The following CENPI variants were observed in gnomAD, a reference collection of about 807,000 sequenced individuals.
The protein encoded by CENPI is centromere protein I, also known as FSH primary response 1.
A neutral mutation model predicts 60.4 loss-of-function variants in CENPI; 4 were observed. The observed-to-expected ratio is 0.07, with a 90% confidence interval of 0.03 to 0.15. The LOEUF (loss-of-function observed/expected upper bound fraction) is 0.15. Ranked by LOEUF, CENPI falls within the 10% of genes least tolerant of loss-of-function variation. CENPI has a pLI of 1.00. For synonymous variants in CENPI, 157 were observed against 189.4 expected (o/e 0.83, Z 1.40); for missense variants, 444 against 534.5 (o/e 0.83, Z 1.67).
At chrX:101,109,332 T>A in intron 4 of CENPI, 141 bp from the exon 5 acceptor site, 1 of 467,382 alleles carries the variant, frequency 2.1e-6, no homozygotes, top group Non-Finnish European at 3.7e-6. Flanking sequence ...CTGCCCACCA[T>A]GGCCTCCCAA....
At chrX:101,144,865 C>A (rs968725653) in intron 16 of CENPI, among the ~76,000 whole-genome samples, 199 bp from the exon 17 acceptor site, 2 of 111,753 alleles carry the variant, frequency 1.8e-5, no homozygotes, top group African/African-American at 6.5e-5. Flanking sequence ...TCTATGAATT[C>A]GTCTTAATGG....
At chrX:101,161,284 C>T (rs940993440) in intron 20 of CENPI, among the ~76,000 whole-genome samples, 5 of 111,904 alleles carry the variant, frequency 4.5e-5, no homozygotes, top group South Asian at 3.7e-4. Context: ...CCACTGCACC[C>T]GGCCTGTTTT....
At chrX:101,152,622 G>T (rs1254217353) in intron 20 of CENPI, among the ~76,000 whole-genome samples, 1 of 108,904 alleles carries the variant, frequency 9.2e-6, no homozygotes, top group African/African-American at 3.3e-5. Flanking sequence ...AGGCTGGTTG[G>T]TCTCTAACTC....
intron 16 of CENPI, among the ~76,000 whole-genome samples, chrX:101,144,484 A>G (rs2089946311): frequency 9.2e-6 from 1 of 108,305 alleles, no homozygotes; most frequent in Non-Finnish European, 1.9e-5. Context: ...CACAGGCTCA[A>G]GTGATCCTCC....
At chrX:101,155,733 C>G (rs2090046663) in intron 20 of CENPI, among the ~76,000 whole-genome samples, 2 of 111,607 alleles carry the variant, frequency 1.8e-5, no homozygotes, top group Admixed American at 9.6e-5. Flanking sequence ...CACAGGCTTA[C>G]TAAATTCAGG....
rs1471428705 is a variant in CENPI, at chrX:101,153,888, T to A, written c.2094+5727T>A. ...TCTGTTTTGTCTGAGAATTTTATAG[T>A]TTTAACTCTTATATTTGGGTTTTTT... On this transcript the variant is annotated intron_variant, in intron 20 of 21. Transcript: ENST00000682095. Among the ~76,000 whole-genome samples, 4 of 112,117 alleles carry A rather than the reference T, an allele frequency of 3.6e-5. No individual in the cohort carries two copies. In the East Asian group the frequency reaches 1.1e-3, roughly 31 times the overall value.
chrX:101,108,870 C>A (rs1289939194), intron 4 of CENPI, among the ~76,000 whole-genome samples: 1 of 110,013 alleles, frequency 9.1e-6, no homozygotes, highest in African/African-American at 3.3e-5. Flanking sequence ...TAGTCTTGAC[C>A]TCCTGGGCTC....
At chrX:101,156,479 ATTTG>A (rs1056370562) in intron 20 of CENPI, among the ~76,000 whole-genome samples, 1 of 111,522 alleles carries the variant, frequency 9.0e-6, no homozygotes, top group African/African-American at 3.3e-5. Flanking sequence ...TTATTTATTT[ATTTG>A]TTTATTTATT....
rs752021217 is a variant in CENPI at position 101,098,477 on chromosome X, C to G, written c.-76C>G. On this transcript the variant is annotated 5_prime_UTR_variant, in exon 2 of 22. Coordinates refer to ENST00000682095, the MANE Select transcript of CENPI (RefSeq NM_001386188.2). ...GAAATAACTCGGAACCTGTAACGTC[C>G]CACTGGTTTGGACATATTCCTCTCC... 34 of 111,100 alleles carry G rather than the reference C, an allele frequency of 3.1e-4. No homozygotes were observed. Among genetic ancestry groups the G allele is most frequent in the African/African-American group, 9.5e-4 (29 of 30,558 alleles). The allele number at this position is 111,100 out of a possible 1,213,427, so 9.2% of individuals were successfully genotyped here.
intron 6 of CENPI, among the ~76,000 whole-genome samples, chrX:101,113,664 C>T (rs1391452631): frequency 2.7e-5 from 3 of 111,992 alleles, no homozygotes; most frequent in Admixed American, 1.9e-4. Flanking sequence ...CTCCCAGTAT[C>T]TTTGCTCATC....
chrX:101,135,062 G>A (rs1307938125), intron 15 of CENPI, among the ~76,000 whole-genome samples: 1 of 111,340 alleles, frequency 9.0e-6, no homozygotes, highest in African/African-American at 3.3e-5. Context: ...GGGATTGAAT[G>A]TCTCTGATGT....
chrX:101,120,890 T>G (rs1445338793), intron 8 of CENPI, 106 bp downstream of exon 8: 1 of 689,163 alleles, frequency 1.5e-6, no homozygotes, highest in Non-Finnish European at 2.2e-6. Flanking sequence ...TTTTTTTTTT[T>G]TTTGAGACAG....
Position 101,102,394 on chromosome X carries a change from C to T in CENPI, c.347C>T (p.Ala116Val), listed in dbSNP as rs747902723. 2.6e-6 allele frequency: 3 copies of T among 1,176,133 alleles called. No homozygotes were observed. The highest frequency in any genetic ancestry group is 6.0e-5 in the East Asian group (2 of 33,113). ...GAAATTGATATTCTATTAAATATTG[C>T]ACTCAGTGGCAAATTTGGTATGTTG... ...SEEIDILLNIALSGKFGNAVN... is the reference protein window; with the variant it reads ...SEEIDILLNIVLSGKFGNAVN... Residue 116 changes from alanine to valine, a missense_variant, in exon 4 of 22, where the codon GCA (alanine) becomes GTA (valine). Physicochemically the swap from Ala to Val is moderately conservative, Grantham distance 64. Coordinates refer to ENST00000682095, the MANE Select transcript of CENPI (RefSeq NM_001386188.2).
Position 101,132,303 on chromosome X carries a change from C to T in CENPI, c.1401C>T (p.Phe467=). The change falls in exon 14 of 22, where the codon TTC becomes TTT. Residue 467 remains phenylalanine, a synonymous_variant. Coordinates refer to ENST00000682095, the MANE Select transcript of CENPI (RefSeq NM_001386188.2). ...QLVSWIPFSS[F]SEVKPLLFDH... ...TGAGCTGGATTCCTTTTAGTAGCTT[C>T]TCTGGTATGTATCATGAAAATTTGG... 1 of 1,195,330 alleles carries T rather than the reference C, an allele frequency of 8.4e-7. No individual in the cohort carries two copies. The highest frequency in any genetic ancestry group is 1.1e-6 in the Non-Finnish European group (1 of 881,073).
intron 20 of CENPI, 111 bp from the exon 21 acceptor site, chrX:101,161,417 T>C (rs1320091672): frequency 1.6e-6 from 1 of 636,873 alleles, no homozygotes; most frequent in Non-Finnish European, 2.5e-6. Flanking sequence ...AGCAAGTGAA[T>C]TGCCATCTTA....
Position 101,115,657 on chromosome X carries a change from C to T in CENPI, c.592-4745C>T, listed in dbSNP as rs375461457. 9.8e-5 allele frequency among the ~76,000 whole-genome samples: 11 copies of T among 111,868 alleles called. No individual in the cohort carries two copies. In the East Asian group the frequency reaches 3.1e-3, roughly 31 times the overall value. ...GGAATTATAGATGTGAGGCACTGTG[C>T]CTGACTCTCACCATTTTAAAACATT... On this transcript the variant is annotated intron_variant, in intron 6 of 21. Coordinates refer to ENST00000682095, the MANE Select transcript of CENPI (RefSeq NM_001386188.2).
chrX:101,172,152 A>G, the CENPI span, among the ~76,000 whole-genome samples: 1 of 112,025 alleles, frequency 8.9e-6, no homozygotes, highest in Non-Finnish European at 1.9e-5. Context: ...AAGACAGACA[A>G]TAACTAGTGT....
At chrX:101,099,149 A>C (rs752670863) in intron 2 of CENPI, among the ~76,000 whole-genome samples, 118 of 109,136 alleles carry the variant, frequency 1.1e-3, no homozygotes, top group Middle Eastern at 9.7e-3. Context: ...GAGTTGGGCC[A>C]GGCGTGGTGG....
chrX:101,140,112 A>C (rs866069544), intron 15 of CENPI, among the ~76,000 whole-genome samples: 4 of 112,217 alleles, frequency 3.6e-5, no homozygotes, highest in Non-Finnish European at 7.5e-5. Flanking sequence ...CTGGGATTAC[A>C]GGCGTGAGCC....
Sources: allele counts gnomAD v4.1 joint callset (sites outside exome capture counted in the v4.1 genomes callset), GRCh38; gene constraint gnomAD v4.1.1; transcripts MANE v1.5; gene names NCBI Gene and HGNC (gene_info 2026-07-23, HGNC 2026-07-21).